FAR1: variants seen among roughly 807,000 people sequenced by gnomAD.
FAR1 encodes the protein male sterility domain-containing protein 2.
In FAR1, 22 loss-of-function variants were observed where a neutral mutation model predicts 61.1. That is an observed-to-expected ratio of 0.36 (90% CI 0.26 to 0.51). The LOEUF is 0.51. Ranked by LOEUF, FAR1 falls within the 20% of genes least tolerant of loss-of-function variation. The pLI, the probability that FAR1 is intolerant of heterozygous loss-of-function variation, is 0.95. For missense variants in FAR1, 359 were observed against 626.9 expected (o/e 0.57, Z 4.56); for synonymous variants, 206 against 209.7 (o/e 0.98, Z 0.15).
At chr11:13,716,545 ATC>A (rs1176999900) in intron 9 of FAR1, among the ~76,000 whole-genome samples, 2 of 152,074 alleles carry the variant, frequency 1.3e-5, no homozygotes, top group Admixed American at 6.5e-5. Flanking sequence ...TGTCATAAGG[ATC>A]TCTCCATATA....
At chr11:13,689,141 C>T (rs1194442282) in intron 1 of FAR1, among the ~76,000 whole-genome samples, 1 of 152,098 alleles carries the variant, frequency 6.6e-6, no homozygotes, top group African/African-American at 2.4e-5. Flanking sequence ...GACATATGAT[C>T]CCTGTTTGTT....
intron 1 of FAR1, among the ~76,000 whole-genome samples, chr11:13,694,125 AAT>A (rs1428114223): frequency 6.6e-6 from 1 of 152,090 alleles, no homozygotes; most frequent in East Asian, 1.9e-4. Flanking sequence ...TTGTTTTCTT[AAT>A]ATGTCTTTTC....
intron 9 of FAR1, among the ~76,000 whole-genome samples, chr11:13,718,145 T>C (rs2134196717): frequency 6.6e-6 from 1 of 152,312 alleles, no homozygotes; most frequent in African/African-American, 2.4e-5. Flanking sequence ...TTCTTTAAGA[T>C]CTGGAGAGTG....
intron 1 of FAR1, among the ~76,000 whole-genome samples, chr11:13,689,796 G>A (rs76885200): frequency 6.6e-6 from 1 of 151,500 alleles, no homozygotes; most frequent in African/African-American, 2.4e-5. Flanking sequence ...CTGAGGGTCA[G>A]TGTAGTGGGA....
intron 1 of FAR1, among the ~76,000 whole-genome samples, chr11:13,677,500 G>T (rs1565338062): frequency 6.6e-6 from 1 of 152,126 alleles, no homozygotes; most frequent in African/African-American, 2.4e-5. Context: ...CCTAAAAGCT[G>T]TTTTTTCCCC....
chr11:13,687,448 C>T (rs534671341), intron 1 of FAR1, among the ~76,000 whole-genome samples: 7 of 152,314 alleles, frequency 4.6e-5, no homozygotes, highest in Non-Finnish European at 1.0e-4. Flanking sequence ...AGATGACAGG[C>T]GCTTGTAGAT....
At chr11:13,682,508 G>C (rs1848138965) in intron 1 of FAR1, among the ~76,000 whole-genome samples, 1 of 152,148 alleles carries the variant, frequency 6.6e-6, no homozygotes, top group Non-Finnish European at 1.5e-5. Context: ...GAGATTGTAT[G>C]GTTCACAAAG....
intron 2 of FAR1, among the ~76,000 whole-genome samples, chr11:13,697,523 T>C (rs1484586702): frequency 6.6e-6 from 1 of 152,040 alleles, no homozygotes; most frequent in Non-Finnish European, 1.5e-5. Context: ...GAATCAAGGA[T>C]ATTAAAAAGG....
intron 1 of FAR1, among the ~76,000 whole-genome samples, chr11:13,690,552 AG>A (rs1848238193): frequency 6.6e-6 from 1 of 152,206 alleles, no homozygotes; most frequent in Non-Finnish European, 1.5e-5. Flanking sequence ...GTATAGTGTG[AG>A]ATAGAGTTCA....
At chr11:13,679,544 C>G (rs990397332) in intron 1 of FAR1, among the ~76,000 whole-genome samples, 1 of 152,148 alleles carries the variant, frequency 6.6e-6, no homozygotes, top group Non-Finnish European at 1.5e-5. Flanking sequence ...AACAAGAACA[C>G]AGCCCACCTT....
chr11:13,711,031 C>A, intron 5 of FAR1, 161 bp downstream of exon 5: 1 of 592,556 alleles, frequency 1.7e-6, no homozygotes, highest in South Asian at 2.3e-5. Flanking sequence ...TTTATTGGTA[C>A]TTTCATTTCT....
At chr11:13,718,413 A>G (rs1195494268) in intron 9 of FAR1, among the ~76,000 whole-genome samples, 1 of 152,216 alleles carries the variant, frequency 6.6e-6, no homozygotes, top group Non-Finnish European at 1.5e-5. Context: ...CCATATAACC[A>G]GAGGTGACAG....
At chr11:13,712,583 G>A (rs1848512224) in intron 7 of FAR1, among the ~76,000 whole-genome samples, 1 of 151,796 alleles carries the variant, frequency 6.6e-6, no homozygotes, top group Non-Finnish European at 1.5e-5. Flanking sequence ...AGGATTATAT[G>A]AATATGTTGT....
At chr11:13,694,703 A>T in intron 1 of FAR1, 56 bp from the exon 2 acceptor site, 1 of 1,396,870 alleles carries the variant, frequency 7.2e-7, no homozygotes, top group Non-Finnish European at 9.7e-7. Flanking sequence ...GATTTTTAGT[A>T]TGAAAGAATG....
At chr11:13,671,727 A>G (rs1349549639) in intron 1 of FAR1, among the ~76,000 whole-genome samples, 3 of 152,224 alleles carry the variant, frequency 2.0e-5, no homozygotes, top group East Asian at 1.9e-4. Context: ...TCAGAGAGAT[A>G]TAACTTGCCC....
rs1458083982 is a variant in FAR1, at chr11:13,728,841, A to G, written c.*67A>G. On this transcript the variant is annotated 3_prime_UTR_variant, in exon 12 of 12. Transcript: ENST00000354817. Reference sequence around the variant, plus strand: ...TCTAAATGTACAAAATGTAAAATGTATAAGTCATCTCACTTTTTGTCAAGA... The same window carrying G: ...TCTAAATGTACAAAATGTAAAATGTGTAAGTCATCTCACTTTTTGTCAAGA... 2.3e-5 allele frequency: 33 copies of G among 1,432,184 alleles called. No homozygotes were observed. The highest frequency in any genetic ancestry group is 7.7e-5 in the South Asian group (6 of 77,662). The allele number at this position is 1,432,184 out of a possible 1,614,324, so 88.7% of individuals were successfully genotyped here.
intron 2 of FAR1, among the ~76,000 whole-genome samples, chr11:13,697,235 G>A (rs1484047037): frequency 6.6e-6 from 1 of 152,044 alleles, no homozygotes; most frequent in African/African-American, 2.4e-5. Flanking sequence ...CACGGCTGGT[G>A]GGTCACTTGA....
At chr11:13,685,182 G>T (rs913308826) in intron 1 of FAR1, among the ~76,000 whole-genome samples, 1 of 152,058 alleles carries the variant, frequency 6.6e-6, no homozygotes, top group Non-Finnish European at 1.5e-5. Flanking sequence ...GTGTTCTAAG[G>T]TTGACAGTAG....
intron 10 of FAR1, among the ~76,000 whole-genome samples, chr11:13,725,921 CTTTTT>C (rs1056860290): frequency 1.4e-5 from 2 of 145,078 alleles, no homozygotes; most frequent in Non-Finnish European, 3.1e-5. Flanking sequence ...GTTCTTTTTT[CTTTTT>C]TTTTTGGCCG....
Sources: allele counts gnomAD v4.1 joint callset (sites outside exome capture counted in the v4.1 genomes callset), GRCh38; gene constraint gnomAD v4.1.1; transcripts MANE v1.5; gene names NCBI Gene and HGNC (gene_info 2026-07-23, HGNC 2026-07-21).